NPAS3: variants seen among roughly 807,000 people sequenced by gnomAD.
NPAS3 encodes the protein neuronal PAS domain-containing protein 3.
In NPAS3, 14 loss-of-function variants were observed where a neutral mutation model predicts 73.1. The ratio of observed to expected loss-of-function variants is 0.19; its 90% CI spans 0.13 to 0.30. The LOEUF (loss-of-function observed/expected upper bound fraction) is 0.30. Ranked by LOEUF, NPAS3 falls within the 10% of genes least tolerant of loss-of-function variation. The pLI, the probability that NPAS3 is intolerant of heterozygous loss-of-function variation, is 1.00. For synonymous variants in NPAS3, 620 were observed against 541.5 expected, an observed-to-expected ratio of 1.14 and a Z score of -2.01; for missense variants, 1,096 against 1,250.0, an observed-to-expected ratio of 0.88 and a Z score of 1.86.
At chr14:33,254,934 A>G (rs890017129) in intron 3 of NPAS3, among the ~76,000 whole-genome samples, 3 of 151,876 alleles carry the variant, frequency 2.0e-5, no homozygotes, top group Non-Finnish European at 1.5e-5. Context: ...ATGCTATAAT[A>G]TTTCTGGAAA....
intron 4 of NPAS3, among the ~76,000 whole-genome samples, chr14:33,453,400 T>C (rs2139410355): frequency 6.6e-6 from 1 of 152,352 alleles, no homozygotes; most frequent in Non-Finnish European, 1.5e-5. Flanking sequence ...CATGTGTCAC[T>C]CACAAGCAAG....
At chr14:33,161,100 T>C (rs527937844) in intron 2 of NPAS3, among the ~76,000 whole-genome samples, 2 of 152,372 alleles carry the variant, frequency 1.3e-5, no homozygotes, top group Admixed American at 6.5e-5. Flanking sequence ...GCAGTGACTT[T>C]AGCTTTTCCT....
At chr14:33,755,546 A>G (rs2062089449) in intron 7 of NPAS3, among the ~76,000 whole-genome samples, 3 of 152,154 alleles carry the variant, frequency 2.0e-5, no homozygotes. Flanking sequence ...AGGAGTGGCT[A>G]TGAATCATGG....
chr14:33,790,446 G>A (rs575121016), intron 9 of NPAS3, among the ~76,000 whole-genome samples: 1 of 152,202 alleles, frequency 6.6e-6, no homozygotes, highest in Admixed American at 6.5e-5. Context: ...TGGCACCAAG[G>A]TGGCTTTTCT....
chr14:33,064,395 A>G (rs1444758415), intron 2 of NPAS3, among the ~76,000 whole-genome samples: 4 of 152,160 alleles, frequency 2.6e-5, no homozygotes, highest in African/African-American at 9.7e-5. Context: ...CCTACTCATA[A>G]CTTTTATTTC....
intron 2 of NPAS3, among the ~76,000 whole-genome samples, chr14:33,197,524 GA>G (rs1225813289): frequency 4.8e-5 from 7 of 144,722 alleles, no homozygotes; most frequent in African/African-American, 7.6e-5. Flanking sequence ...CATATTGTCA[GA>G]AAAAAAAAAG....
At chr14:33,766,000 G>A (rs976045324) in intron 7 of NPAS3, among the ~76,000 whole-genome samples, 33 of 152,078 alleles carry the variant, frequency 2.2e-4, no homozygotes, top group African/African-American at 7.7e-4. Context: ...GAGGTTTTTT[G>A]TTTAAAAGAA....
intron 3 of NPAS3, among the ~76,000 whole-genome samples, chr14:33,227,900 G>T (rs2047694409): frequency 6.6e-6 from 1 of 152,164 alleles, no homozygotes; most frequent in Admixed American, 6.5e-5. Flanking sequence ...TGGCTTATTG[G>T]TAGTAAGGTT....
chr14:33,403,114 C>T (rs1359050235), intron 4 of NPAS3, among the ~76,000 whole-genome samples: 1 of 152,030 alleles, frequency 6.6e-6, no homozygotes, highest in Non-Finnish European at 1.5e-5. Context: ...ACCTTCAATA[C>T]CAGTTTTCAT....
At chr14:33,588,989 A>C (rs967823383) in intron 5 of NPAS3, among the ~76,000 whole-genome samples, 3 of 152,162 alleles carry the variant, frequency 2.0e-5, no homozygotes, top group African/African-American at 7.2e-5. Context: ...CTTGTTTCCT[A>C]TATTCAGACT....
At chr14:33,157,007 TAAAAAAAGAAGAGCAGACTA>T (rs1458062253) in intron 2 of NPAS3, among the ~76,000 whole-genome samples, 1 of 152,130 alleles carries the variant, frequency 6.6e-6, no homozygotes, top group Non-Finnish European at 1.5e-5. Flanking sequence ...AGAGGAACTC[TAAAAAAAGAAGAGCAGACTA>T]CATCATTTCC....
intron 4 of NPAS3, among the ~76,000 whole-genome samples, chr14:33,412,288 T>G (rs890903088): frequency 6.6e-6 from 1 of 151,862 alleles, no homozygotes; most frequent in Non-Finnish European, 1.5e-5. Context: ...CCGGCTAAAT[T>G]TTTGTATTTT....
chr14:33,064,791 T>TA (rs1362523101), intron 2 of NPAS3, among the ~76,000 whole-genome samples: 3 of 152,350 alleles, frequency 2.0e-5, no homozygotes, highest in Non-Finnish European at 4.4e-5. Flanking sequence ...GCTATCCTTG[T>TA]AGTCTTCTAT....
At chr14:32,994,617 TGTTTGTTTGTTTGTTTTTG>T (rs1566443502) in intron 1 of NPAS3, among the ~76,000 whole-genome samples, 2 of 136,398 alleles carry the variant, frequency 1.5e-5, no homozygotes, top group African/African-American at 6.2e-5. Context: ...TCTAGTTTTT[TGTTTGTTTGTTTGTTTTTG>T]TTTTTTTTTT....
chr14:33,197,237 C>CTGTTTGTGTGTGTGTGTG (rs1555353810), intron 2 of NPAS3, among the ~76,000 whole-genome samples: 1 of 135,214 alleles, frequency 7.4e-6, no homozygotes, highest in Non-Finnish European at 1.6e-5. Flanking sequence ...CTCCAGCAGG[C>CTGTTTGTGTGTGTGTGTG]TGTGTGTGTG....
chr14:33,367,168 C>A lies in NPAS3; in HGVS notation c.386-18C>A. On this transcript the variant is annotated intron_variant, in intron 3 of 11. Coordinates refer to ENST00000356141, the Ensembl canonical transcript of NPAS3. ...CCAACTTAATTGTTCTGTTTTCTTT[C>A]TTTCTTTTTCTTTTAAGTTATAGGT... The A allele has an allele frequency of 1.2e-6, 1 of 833,170 alleles. No homozygotes were observed. The highest frequency in any genetic ancestry group is 1.5e-5 in the South Asian group (1 of 68,808). 51.6% of individuals were successfully genotyped at this position (833,170 alleles called of 1,614,324 possible).
intron 9 of NPAS3, among the ~76,000 whole-genome samples, chr14:33,784,741 A>ATTTATTTATTTAT (rs1555333492): frequency 5.5e-5 from 4 of 72,770 alleles, no homozygotes; most frequent in African/African-American, 2.7e-4. Flanking sequence ...TTATTTATTT[A>ATTTATTTATTTAT]TTTATTTTTT....
At chr14:33,106,892 A>G (rs2042737850) in intron 2 of NPAS3, among the ~76,000 whole-genome samples, 2 of 152,150 alleles carry the variant, frequency 1.3e-5, no homozygotes, top group South Asian at 4.1e-4. Context: ...TATAATGAAT[A>G]TCTTACAGTG....
chr14:33,391,183 A>C (rs1412778029), intron 4 of NPAS3, among the ~76,000 whole-genome samples: 1 of 144,864 alleles, frequency 6.9e-6, no homozygotes, highest in Non-Finnish European at 1.5e-5. Context: ...TCTTTGGCCC[A>C]TATCTTTTTT....
Sources: gnomAD v4.1 joint callset for allele counts (sites outside exome capture counted in the v4.1 genomes callset) on GRCh38, gnomAD v4.1.1 for gene constraint, MANE v1.5 for transcripts, NCBI Gene and HGNC (gene_info 2026-07-23, HGNC 2026-07-21) for gene names.